The following CAST variants were observed in gnomAD, a reference collection of about 807,000 sequenced individuals.
CAST encodes MIR583 host.
Under a neutral mutation model 119.6 loss-of-function variants are expected in CAST, and 76 were observed. The ratio of observed to expected loss-of-function variants is 0.64; its 90% CI spans 0.53 to 0.77. The LOEUF is 0.77. CAST is among the 30% of genes least tolerant of loss of function. The pLI, the probability that CAST is intolerant of heterozygous loss-of-function variation, is 0.00. For synonymous variants in CAST, 319 were observed against 331.6 expected (o/e 0.96, Z 0.41); for missense variants, 953 against 946.5 (o/e 1.01, Z -0.09).
At chr5:95,972,971 G>C in the CAST span, 1 of 152,210 alleles carries the variant, frequency 6.6e-6, no homozygotes, top group South Asian at 2.1e-4. Flanking sequence ...GATACTTATG[G>C]AGGTTTGCTT....
At chr5:96,027,276 C>T in the CAST span, among the ~76,000 whole-genome samples, 3 of 151,758 alleles carry the variant, frequency 2.0e-5, no homozygotes, top group Admixed American at 1.3e-4. Flanking sequence ...ACTAGATGGA[C>T]ATTGATTACT....
the CAST span, among the ~76,000 whole-genome samples, chr5:96,403,893 G>C: frequency 1.3e-5 from 2 of 151,990 alleles, no homozygotes; most frequent in African/African-American, 2.4e-5. Flanking sequence ...TCTTTCTCCA[G>C]GTTTTAATAA....
At chr5:96,421,799 T>C in the CAST span, 2 of 832,616 alleles carry the variant, frequency 2.4e-6, no homozygotes. Flanking sequence ...GGAATGTGGA[T>C]GAAATATATG....
chr5:96,210,860 T>C, the CAST span, among the ~76,000 whole-genome samples: 1 of 152,040 alleles, frequency 6.6e-6, no homozygotes, highest in South Asian at 2.1e-4. Context: ...TCATCGGCAT[T>C]TTGTAACTTT....
At chr5:96,266,828 A>G in the CAST span, among the ~76,000 whole-genome samples, 2 of 152,118 alleles carry the variant, frequency 1.3e-5, no homozygotes, top group Non-Finnish European at 2.9e-5. Flanking sequence ...ACAAAAAGAA[A>G]CCAGTGACTG....
chr5:96,362,677 G>A, the CAST span, among the ~76,000 whole-genome samples: 3 of 152,032 alleles, frequency 2.0e-5, no homozygotes, highest in East Asian at 3.9e-4. Flanking sequence ...TTTTTGATGG[G>A]GTTGTTTGTT....
At chr5:96,654,059 C>G (rs1453638961) in intron 1 of CAST, among the ~76,000 whole-genome samples, 2 of 137,168 alleles carry the variant, frequency 1.5e-5, no homozygotes, top group South Asian at 2.3e-4. Flanking sequence ...GAGTCTCACT[C>G]TGTTGCCCAG....
At chr5:96,469,889 T>TATGTATATATATTATATATATATAC in the CAST span, among the ~76,000 whole-genome samples, 1 of 145,172 alleles carries the variant, frequency 6.9e-6, no homozygotes, top group Non-Finnish European at 1.5e-5. Context: ...AATATATATA[T>TATGTATATATATTATATATATATAC]ACACACACAT....
At chr5:96,561,938 G>GT (rs377328297) in intron 1 of CAST, among the ~76,000 whole-genome samples, 48,106 of 145,792 alleles carry the variant, frequency 0.33, 8,601 homozygotes, top group Middle Eastern at 0.44. Context: ...GACTACAGAC[G>GT]CCCGCTACCA....
chr5:96,488,320 T>A, the CAST span, among the ~76,000 whole-genome samples: 4 of 152,046 alleles, frequency 2.6e-5, no homozygotes, highest in Non-Finnish European at 5.9e-5. Flanking sequence ...TGATAAAAAG[T>A]CACCACCAGC....
the CAST span, among the ~76,000 whole-genome samples, chr5:96,320,501 G>C: frequency 1.3e-5 from 2 of 152,150 alleles, no homozygotes; most frequent in Admixed American, 6.5e-5. Context: ...GCCTCCCAAA[G>C]TGTTGGGATT....
intron 1 of CAST, among the ~76,000 whole-genome samples, chr5:96,544,720 G>A (rs1380500): frequency 0.61 from 92,988 of 151,382 alleles, 28,866 homozygotes; most frequent in East Asian, 0.86. Context: ...AGTGCAATGA[G>A]TAGAAAAGAG....
At chr5:96,495,278 T>C in the CAST span, among the ~76,000 whole-genome samples, 1 of 152,166 alleles carries the variant, frequency 6.6e-6, no homozygotes, top group Non-Finnish European at 1.5e-5. Context: ...TACTTTAAGT[T>C]CTGGGATGTA....
At chr5:96,542,393 T>C (rs1258722403) in intron 1 of CAST, among the ~76,000 whole-genome samples, 2 of 152,174 alleles carry the variant, frequency 1.3e-5, no homozygotes, top group African/African-American at 4.8e-5. Context: ...CATTTTGCAT[T>C]CCACTAGCAA....
the CAST span, among the ~76,000 whole-genome samples, chr5:96,115,816 C>T: frequency 6.6e-6 from 1 of 152,160 alleles, no homozygotes; most frequent in East Asian, 1.9e-4. Context: ...TCTGAAAGGA[C>T]ACCTCGAATC....
intron 1 of CAST, chr5:96,662,875 G>A: frequency 1.8e-6 from 1 of 569,340 alleles, no homozygotes; most frequent in East Asian, 3.1e-5. Flanking sequence ...GCTAAGGCCG[G>A]GCCGCAGGGC....
chr5:96,482,466 A>G, the CAST span, among the ~76,000 whole-genome samples: 6 of 151,782 alleles, frequency 4.0e-5, no homozygotes, highest in Non-Finnish European at 7.4e-5. Flanking sequence ...TCTTAGAGGA[A>G]TTATCCTGAT....
the CAST span, among the ~76,000 whole-genome samples, chr5:96,211,206 G>A: frequency 6.6e-6 from 1 of 152,036 alleles, no homozygotes; most frequent in Admixed American, 6.6e-5. Flanking sequence ...ATATGGGTGA[G>A]TAAGAGTGAT....
chr5:96,095,566 A>T, the CAST span, among the ~76,000 whole-genome samples: 2 of 142,716 alleles, frequency 1.4e-5, no homozygotes, highest in African/African-American at 5.0e-5. Flanking sequence ...CAAAAAAAAA[A>T]AAAAAAAAAA....
Sources: gnomAD v4.1 joint callset for allele counts (sites outside exome capture counted in the v4.1 genomes callset) on GRCh38, gnomAD v4.1.1 for gene constraint, MANE v1.5 for transcripts, NCBI Gene and HGNC (gene_info 2026-07-23, HGNC 2026-07-21) for gene names.